DNAH14: variants seen among roughly 807,000 people sequenced by gnomAD.
DNAH14 encodes dynein axonemal heavy chain 14.
A neutral mutation model predicts 520.9 loss-of-function variants in DNAH14; 478 were observed. The ratio of observed to expected loss-of-function variants is 0.92; its 90% CI spans 0.85 to 0.99. The LOEUF is 0.99. Among genes scored for constraint, DNAH14 ranks in the 50% least tolerant of loss-of-function variants. The pLI is 0.00. For missense variants in DNAH14, 4,831 were observed against 5,234.5 expected, an observed-to-expected ratio of 0.92 and a Z score of 2.38; for synonymous variants, 1,581 against 1,757.2, an observed-to-expected ratio of 0.90 and a Z score of 2.51.
At chr1:225,217,408 A>G (rs1344917311) in intron 41 of DNAH14, among the ~76,000 whole-genome samples, 7 of 152,106 alleles carry the variant, frequency 4.6e-5, no homozygotes, top group Admixed American at 2.0e-4. Context: ...ATGCTGGGAG[A>G]AGCACTACTC....
chr1:225,249,828 C>A (rs2092464902), intron 43 of DNAH14, among the ~76,000 whole-genome samples: 3 of 152,286 alleles, frequency 2.0e-5, no homozygotes, highest in East Asian at 1.9e-4. Context: ...TTTAAGAAAT[C>A]AACTACCATA....
chr1:225,140,736 GATAT>G (rs77953334), intron 27 of DNAH14, 28 bp from the exon 28 acceptor site: 23 of 1,348,128 alleles, frequency 1.7e-5, no homozygotes, highest in Non-Finnish European at 2.2e-5. Flanking sequence ...TATAGAGAGA[GATAT>G]ATATATAACA....
At chr1:225,086,765 C>T (rs957039985) in intron 21 of DNAH14, among the ~76,000 whole-genome samples, 2 of 151,858 alleles carry the variant, frequency 1.3e-5, no homozygotes, top group African/African-American at 4.8e-5. Flanking sequence ...CAAAATAAAA[C>T]ACCCACAATA....
chr1:225,243,658 T>C (rs2092103184), intron 43 of DNAH14, among the ~76,000 whole-genome samples: 1 of 151,526 alleles, frequency 6.6e-6, no homozygotes. Flanking sequence ...AAGAATGAAA[T>C]AGACATCTGG....
At chr1:225,011,684 T>A (rs1029755343) in intron 10 of DNAH14, among the ~76,000 whole-genome samples, 1 of 152,006 alleles carries the variant, frequency 6.6e-6, no homozygotes, top group East Asian at 1.9e-4. Flanking sequence ...CATTATGTAA[T>A]GCCCTTCTTT....
chr1:225,326,663 G>A (rs961744266), intron 64 of DNAH14, among the ~76,000 whole-genome samples: 11 of 152,004 alleles, frequency 7.2e-5, no homozygotes, highest in African/African-American at 2.4e-4. Flanking sequence ...AAAACTTTAA[G>A]AATAATACAT....
In DNAH14 at chr1:225,172,558, G is replaced by T. The variant is rs193142008; in HGVS notation, c.5535+4530G>T. Among the ~76,000 whole-genome samples the T allele has an allele frequency of 3.9e-5, 6 of 152,212 alleles. No homozygotes were observed. The East Asian group carries it at 7.7e-4, about 20-fold the overall frequency. On this transcript the variant is annotated intron_variant, in intron 36 of 85. Transcript: ENST00000682510. ...GTACCTAGGAATCCAACTTACAAGG[G>T]ATATGAAGGACCTCTTCAAGGAGAA...
Position 225,322,793 on chromosome 1 carries a change from T to C in DNAH14, c.9465T>C (p.Ile3155=). ...LSETGFLKKL[I]NLDKDSIPDK... ...AAACTGGTTTCCTGAAAAAATTGAT[T>C]AACCTTGACAAGGACAGCATACCTG... Residue 3155 remains isoleucine, a synonymous_variant, in exon 62 of 86, where the codon ATT becomes ATC. Coordinates refer to ENST00000682510, the MANE Select transcript of DNAH14 (RefSeq NM_001367479.1). 1.3e-6 allele frequency: 2 copies of C among 1,551,874 alleles called. No homozygotes were observed. The highest frequency in any genetic ancestry group is 2.4e-5 in the South Asian group (2 of 84,048).
At chr1:225,183,352 G>C (rs1382244361) in intron 36 of DNAH14, among the ~76,000 whole-genome samples, 1 of 152,246 alleles carries the variant, frequency 6.6e-6, no homozygotes, top group Non-Finnish European at 1.5e-5. Flanking sequence ...GCAAGCCCCA[G>C]TGCTGCAAAG....
At position 225,322,121 on chromosome 1, in the gene DNAH14, C is replaced by T. The variant is rs751205265; in HGVS notation, c.9336-543C>T. ...TTTTTTTTTTTTTGAGACAGTGTCT[C>T]ACTTTGTCGCCCAGGCTGGAGAACA... On this transcript the variant is annotated intron_variant, in intron 61 of 85. Transcript: ENST00000682510. Among the ~76,000 whole-genome samples, 25 of 105,480 alleles carry T rather than the reference C, an allele frequency of 2.4e-4. No homozygotes were observed. In the Admixed American group the frequency reaches 2.8e-3, roughly 12 times the overall value. 69.2% of individuals were successfully genotyped at this position (105,480 alleles called of 152,430 possible).
At chr1:225,290,647 G>GTGTATATATATATATA (rs1419920384) in intron 55 of DNAH14, among the ~76,000 whole-genome samples, 1 of 57,578 alleles carries the variant, frequency 1.7e-5, no homozygotes, top group Non-Finnish European at 3.2e-5. Context: ...GTGTGTGTGT[G>GTGTATATATATATATA]TATATATATA....
intron 10 of DNAH14, among the ~76,000 whole-genome samples, chr1:225,020,585 G>A (rs1306862971): frequency 6.6e-6 from 1 of 150,742 alleles, no homozygotes; most frequent in Non-Finnish European, 1.5e-5. Flanking sequence ...TTAAATTCCT[G>A]GAAACACATA....
intron 81 of DNAH14, among the ~76,000 whole-genome samples, chr1:225,383,799 C>T (rs1266694890): frequency 6.6e-6 from 1 of 152,176 alleles, no homozygotes; most frequent in Non-Finnish European, 1.5e-5. Flanking sequence ...TGTGTCTGCT[C>T]TTGCTTCTCT....
At chr1:225,002,241 T>G (rs560227554) in intron 8 of DNAH14, among the ~76,000 whole-genome samples, 1 of 152,260 alleles carries the variant, frequency 6.6e-6, no homozygotes, top group South Asian at 2.1e-4. Flanking sequence ...TCTGTCTTTC[T>G]GTTATTTCCA....
At chr1:225,076,940 C>G (rs944034639) in intron 17 of DNAH14, among the ~76,000 whole-genome samples, 2 of 152,038 alleles carry the variant, frequency 1.3e-5, no homozygotes, top group Non-Finnish European at 2.9e-5. Flanking sequence ...GCTATCCCTC[C>G]CCCAGCCCCC....
At chr1:225,328,164 T>A (rs182886886) in intron 64 of DNAH14, among the ~76,000 whole-genome samples, 3 of 152,284 alleles carry the variant, frequency 2.0e-5, no homozygotes, top group Non-Finnish European at 1.5e-5. Context: ...ATAGTCAAAC[T>A]GTCAAAAGTC....
chr1:224,959,110 T>C (rs2060691597), intron 3 of DNAH14, among the ~76,000 whole-genome samples: 1 of 152,084 alleles, frequency 6.6e-6, no homozygotes, highest in Admixed American at 6.6e-5. Context: ...TAACTAGGTT[T>C]CAACTAAGGT....
rs2093032884 is a variant in DNAH14, at chr1:225,264,128, T to C, written c.7158-69T>C. ...AAATTCACAATATGCTGTTACTTTTTTGTTGTTGTTTAATATACCTATTAT... is the reference window on the plus strand; with the variant it reads ...AAATTCACAATATGCTGTTACTTTTCTGTTGTTGTTTAATATACCTATTAT... On this transcript the variant is annotated intron_variant, in intron 46 of 85. Transcript: ENST00000682510. 7.6e-6 allele frequency: 10 copies of C among 1,318,492 alleles called. 1 individual carries two copies. In the South Asian group the frequency reaches 1.4e-4, roughly 18 times the overall value. 81.7% of individuals were successfully genotyped at this position (1,318,492 alleles called of 1,614,324 possible). A position where few individuals can be genotyped will look rare whatever the true frequency, so the allele number is the denominator to read the frequency against.
chr1:225,190,307 T>A (rs2085266823), intron 37 of DNAH14, among the ~76,000 whole-genome samples: 1 of 152,054 alleles, frequency 6.6e-6, no homozygotes, highest in African/African-American at 2.4e-5. Context: ...TTATTATATA[T>A]ACTGTATTCA....
Sources: gnomAD v4.1 joint callset for allele counts (sites outside exome capture counted in the v4.1 genomes callset) on GRCh38, gnomAD v4.1.1 for gene constraint, MANE v1.5 for transcripts, NCBI Gene and HGNC (gene_info 2026-07-23, HGNC 2026-07-21) for gene names.